The following PPP1R12B variants were observed in gnomAD, a reference collection of about 807,000 sequenced individuals.
PPP1R12B encodes the protein protein phosphatase 1 regulatory subunit 12B.
Under a neutral mutation model 126.1 loss-of-function variants are expected in PPP1R12B, and 76 were observed. That is an observed-to-expected ratio of 0.60 (90% CI 0.50 to 0.73). The LOEUF is 0.73. Among genes scored for constraint, PPP1R12B ranks in the 30% least tolerant of loss-of-function variants. The pLI is 0.00. For missense variants in PPP1R12B, 1,052 were observed against 1,205.1 expected, an observed-to-expected ratio of 0.87 and a Z score of 1.88; for synonymous variants, 356 against 434.7, an observed-to-expected ratio of 0.82 and a Z score of 2.25.
chr1:202,352,994 C>T (rs773192276), intron 1 of PPP1R12B, among the ~76,000 whole-genome samples: 8 of 152,132 alleles, frequency 5.3e-5, no homozygotes, highest in Non-Finnish European at 2.9e-5. Flanking sequence ...GTTGAATAAG[C>T]CTTTGTCATT....
At chr1:202,351,955 A>T (rs1040867575) in intron 1 of PPP1R12B, among the ~76,000 whole-genome samples, 1 of 152,212 alleles carries the variant, frequency 6.6e-6, no homozygotes, top group African/African-American at 2.4e-5. Flanking sequence ...GTCAAAGATA[A>T]CAAGCTCCAG....
chr1:202,388,047 A>G (rs982889459), intron 1 of PPP1R12B, among the ~76,000 whole-genome samples: 2 of 151,946 alleles, frequency 1.3e-5, no homozygotes, highest in African/African-American at 4.8e-5. Flanking sequence ...AGTTTTTCAA[A>G]CCATCATTTG....
chr1:202,481,625 G>A (rs774404867), intron 13 of PPP1R12B, among the ~76,000 whole-genome samples: 1 of 151,810 alleles, frequency 6.6e-6, no homozygotes, highest in South Asian at 2.1e-4. Flanking sequence ...CATATTTATG[G>A]AGGTACAGTT....
chr1:202,522,068 A>G (rs773083839), intron 18 of PPP1R12B, among the ~76,000 whole-genome samples: 1 of 152,234 alleles, frequency 6.6e-6, no homozygotes, highest in Non-Finnish European at 1.5e-5. Context: ...GTAGAAAAAT[A>G]ACTGTGAGCT....
intron 18 of PPP1R12B, among the ~76,000 whole-genome samples, chr1:202,542,518 C>CT (rs1480273753): frequency 6.6e-6 from 1 of 152,178 alleles, no homozygotes. Context: ...TAAGAACATG[C>CT]TAAAGGGCAA....
At chr1:202,506,547 G>A (rs1275642916) in intron 18 of PPP1R12B, among the ~76,000 whole-genome samples, 1 of 152,128 alleles carries the variant, frequency 6.6e-6, no homozygotes, top group African/African-American at 2.4e-5. Flanking sequence ...GTATCTGTTT[G>A]GACTTCTCTC....
chr1:202,575,840 A>C (rs1008897020), intron 23 of PPP1R12B: 9 of 152,322 alleles, frequency 5.9e-5, no homozygotes, highest in South Asian at 2.1e-4. Context: ...TGGATACCAG[A>C]CAGTCCTCAC....
chr1:202,502,313 A>G, intron 18 of PPP1R12B: 4 of 985,234 alleles, frequency 4.1e-6, no homozygotes, highest in Non-Finnish European at 4.8e-6. Flanking sequence ...AAAGTCTTCT[A>G]AAAGAGTTAA....
rs190863851 is a variant in PPP1R12B at position 202,413,034 on chromosome 1, C to T, written c.292-3753C>T. ...GGATATACTTGTGGAAGTTGATAAACCTAAGAAAACATCATAGAAGAAATA... is the reference window on the plus strand; with the variant it reads ...GGATATACTTGTGGAAGTTGATAAATCTAAGAAAACATCATAGAAGAAATA... On this transcript the variant is annotated intron_variant, in intron 1 of 23. Coordinates refer to ENST00000608999, the MANE Select transcript of PPP1R12B (RefSeq NM_002481.4). 4.4e-4 allele frequency among the ~76,000 whole-genome samples: 67 copies of T among 151,744 alleles called. No homozygotes were observed. The South Asian group carries it at 7.1e-3, about 16-fold the overall frequency.
intron 18 of PPP1R12B, chr1:202,527,292 G>A (rs916258099): frequency 2.6e-5 from 4 of 152,090 alleles, no homozygotes; most frequent in African/African-American, 4.8e-5. Flanking sequence ...AGTTATTTTG[G>A]CAACAATAGG....
At position 202,588,701 on chromosome 1, in the gene PPP1R12B, C is replaced by A. The variant is rs1042963946; in HGVS notation, c.*8141C>A. ...CCTACAACTCCTGTCCACATAGAGG[C>A]CCCTTCCCCAGGGACAGCCACAGTG... On this transcript the variant is annotated 3_prime_UTR_variant, in exon 24 of 24. Coordinates refer to ENST00000608999, the MANE Select transcript of PPP1R12B (RefSeq NM_002481.4). The A allele has an allele frequency of 6.6e-6, 1 of 152,038 alleles. No individual in the cohort carries two copies. The highest frequency in any genetic ancestry group is 1.5e-5 in the Non-Finnish European group (1 of 68,026). The allele number at this position is 152,038 out of a possible 1,614,324, so 9.4% of individuals were successfully genotyped here. A position where few individuals can be genotyped will look rare whatever the true frequency, so the allele number is the denominator to read the frequency against.
At chr1:202,395,987 C>G (rs1012676971) in intron 1 of PPP1R12B, among the ~76,000 whole-genome samples, 1 of 152,234 alleles carries the variant, frequency 6.6e-6, no homozygotes, top group African/African-American at 2.4e-5. Context: ...GGCCAACTCA[C>G]TCATTTCTCT....
chr1:202,371,424 A>G (rs1251242086), intron 1 of PPP1R12B, among the ~76,000 whole-genome samples: 1 of 151,744 alleles, frequency 6.6e-6, no homozygotes, highest in African/African-American at 2.4e-5. Flanking sequence ...TTTAATTTAC[A>G]CTTCTGCAAT....
In PPP1R12B at chr1:202,591,530, A is replaced by G. The variant is rs4950780; in HGVS notation, c.*10970A>G. On this transcript the variant is annotated 3_prime_UTR_variant, in exon 24 of 24. Coordinates refer to ENST00000608999, the MANE Select transcript of PPP1R12B (RefSeq NM_002481.4). ...GGGGAGCAGGTGTGAAGGTCAGGGG[A>G]CTTAGTCCACACCTGCTCTGCCTGA... The G allele has an allele frequency of 0.53, 80,369 of 152,340 alleles. 23,670 individuals are homozygous for G. The highest frequency in any genetic ancestry group is 0.7 in the South Asian group (3,389 of 4,824). The allele number at this position is 152,340 out of a possible 1,614,324, so 9.4% of individuals were successfully genotyped here.
intron 18 of PPP1R12B, among the ~76,000 whole-genome samples, chr1:202,554,713 A>G (rs1686703661): frequency 6.6e-6 from 1 of 151,894 alleles, no homozygotes; most frequent in African/African-American, 2.4e-5. Flanking sequence ...TCACCTACGC[A>G]TTTTATAAAA....
chr1:202,352,748 G>T (rs1442322691), intron 1 of PPP1R12B, among the ~76,000 whole-genome samples: 1 of 152,076 alleles, frequency 6.6e-6, no homozygotes, highest in Non-Finnish European at 1.5e-5. Context: ...TTAGCCTGGT[G>T]TGGTGGTGCA....
intron 13 of PPP1R12B, among the ~76,000 whole-genome samples, chr1:202,454,914 C>G (rs577659820): frequency 1.3e-5 from 2 of 151,950 alleles, no homozygotes; most frequent in South Asian, 4.2e-4. Flanking sequence ...AGAGCACAAC[C>G]CTGTCTCTAA....
chr1:202,421,572 GGA>G (rs1347186482), intron 2 of PPP1R12B, among the ~76,000 whole-genome samples: 4 of 151,526 alleles, frequency 2.6e-5, no homozygotes, highest in African/African-American at 9.7e-5. Flanking sequence ...CCTGGAACGT[GGA>G]GGTTGCAGTG....
At chr1:202,457,325 G>A (rs1673760346) in intron 13 of PPP1R12B, among the ~76,000 whole-genome samples, 1 of 152,076 alleles carries the variant, frequency 6.6e-6, no homozygotes, top group South Asian at 2.1e-4. Context: ...CGAGGCGGGT[G>A]GACTGCTTGA....
Sources: gnomAD v4.1 joint callset for allele counts (sites outside exome capture counted in the v4.1 genomes callset) on GRCh38, gnomAD v4.1.1 for gene constraint, MANE v1.5 for transcripts, NCBI Gene and HGNC (gene_info 2026-07-23, HGNC 2026-07-21) for gene names.